The following TTLL5 variants were observed in gnomAD, a reference collection of about 807,000 sequenced individuals.
The protein encoded by TTLL5 is tubulin tyrosine ligase like 5.
Under a neutral mutation model 168.4 loss-of-function variants are expected in TTLL5, and 132 were observed. That is an observed-to-expected ratio of 0.78 (90% CI 0.68 to 0.91). The LOEUF is 0.91. Ranked by LOEUF, TTLL5 falls within the 40% of genes least tolerant of loss-of-function variation. TTLL5 has a pLI of 0.00. For synonymous variants in TTLL5, 546 were observed against 558.6 expected (o/e 0.98, Z 0.32); for missense variants, 1,545 against 1,581.5 (o/e 0.98, Z 0.39).
intron 3 of TTLL5, 124 bp downstream of exon 3, chr14:75,669,646 G>A (rs1883561272): frequency 1.7e-6 from 1 of 578,160 alleles, no homozygotes; most frequent in African/African-American, 1.9e-5. Flanking sequence ...CAATTGAGTT[G>A]TTATACTTCA....
intron 26 of TTLL5, among the ~76,000 whole-genome samples, chr14:75,784,676 C>T (rs1050678096): frequency 6.6e-6 from 1 of 152,102 alleles, no homozygotes; most frequent in Non-Finnish European, 1.5e-5. Context: ...AACTGTTTTC[C>T]AAAGTCGCTG....
At chr14:75,952,090 T>C (rs1299146553) in intron 31 of TTLL5, among the ~76,000 whole-genome samples, 1 of 151,960 alleles carries the variant, frequency 6.6e-6, no homozygotes, top group Non-Finnish European at 1.5e-5. Context: ...AATTCAATAA[T>C]AAAAAAGACG....
intron 28 of TTLL5, among the ~76,000 whole-genome samples, chr14:75,834,711 A>G (rs934971153): frequency 2.6e-5 from 4 of 152,156 alleles, no homozygotes; most frequent in Non-Finnish European, 5.9e-5. Flanking sequence ...CTGTAGATGG[A>G]TTAGGTCAGG....
chr14:75,952,948 G>A (rs1053488843), intron 31 of TTLL5, among the ~76,000 whole-genome samples: 1 of 152,100 alleles, frequency 6.6e-6, no homozygotes, highest in Non-Finnish European at 1.5e-5. Flanking sequence ...GATGACGGAT[G>A]CACAACTCTG....
rs184047786 is a variant in TTLL5, at chr14:75,737,782, A to G, written c.1281+2493A>G. Among the ~76,000 whole-genome samples the G allele has an allele frequency of 3.9e-5, 6 of 152,310 alleles. No individual in the cohort carries two copies. In the East Asian group the frequency reaches 1.2e-3, roughly 29 times the overall value. ...AGAAGTCTTTTTGGTTATAGGATAT[A>G]AGAGTAGAGGATGCAGGAACTTAGG... On this transcript the variant is annotated intron_variant, in intron 15 of 31. Coordinates refer to ENST00000298832, the MANE Select transcript of TTLL5 (RefSeq NM_015072.5).
chr14:75,906,547 T>C lies in TTLL5; in HGVS notation c.3823+4323T>C, dbSNP rs552902334. 9 of 985,852 alleles carry C rather than the reference T, an allele frequency of 9.1e-6. No homozygotes were observed. In the African/African-American group the frequency reaches 1.2e-4, roughly 13 times the overall value. 61.1% of individuals were successfully genotyped at this position (985,852 alleles called of 1,614,324 possible). A position where few individuals can be genotyped will look rare whatever the true frequency, so the allele number is the denominator to read the frequency against. On this transcript the variant is annotated intron_variant, in intron 31 of 31. Transcript: ENST00000298832. ...TGTTAAGTAGAGATACTTTTTTCCA[T>C]TTTTCAGGATCTTTGGATACTCCCC...
At chr14:75,872,120 A>G (rs935458895) in intron 29 of TTLL5, among the ~76,000 whole-genome samples, 5 of 152,238 alleles carry the variant, frequency 3.3e-5, no homozygotes, top group Non-Finnish European at 2.9e-5. Context: ...ATCTGGGGTC[A>G]TGGCTGATCC....
At chr14:75,940,750 T>C (rs1363417926) in intron 31 of TTLL5, among the ~76,000 whole-genome samples, 1 of 152,236 alleles carries the variant, frequency 6.6e-6, no homozygotes, top group Non-Finnish European at 1.5e-5. Flanking sequence ...CAGAGATTTA[T>C]ATCTCTCTAT....
intron 12 of TTLL5, among the ~76,000 whole-genome samples, chr14:75,731,374 TACACACACACACAC>T (rs3031047): frequency 0.024 from 3,293 of 139,318 alleles, 103 homozygotes; most frequent in African/African-American, 0.064. Context: ...TACACATACA[TACACACACACACAC>T]ACACACACAC....
At chr14:75,780,535 C>T (rs1891987722) in intron 24 of TTLL5, among the ~76,000 whole-genome samples, 1 of 152,098 alleles carries the variant, frequency 6.6e-6, no homozygotes, top group Admixed American at 6.5e-5. Context: ...TAACTTAAAA[C>T]CTAGATGGAA....
chr14:75,696,412 GTTA>G (rs1885874448), intron 6 of TTLL5, among the ~76,000 whole-genome samples: 1 of 152,120 alleles, frequency 6.6e-6, no homozygotes, highest in Non-Finnish European at 1.5e-5. Flanking sequence ...GGAAAGTTTT[GTTA>G]TTTTTTGTTT....
chr14:75,762,351 C>T (rs551487730), intron 18 of TTLL5, among the ~76,000 whole-genome samples: 5 of 152,146 alleles, frequency 3.3e-5, no homozygotes, highest in African/African-American at 4.8e-5. Context: ...ATCGAGATGG[C>T]GCCACTGCAC....
chr14:75,938,025 T>C (rs2034485992), intron 31 of TTLL5, among the ~76,000 whole-genome samples: 1 of 152,230 alleles, frequency 6.6e-6, no homozygotes, highest in Admixed American at 6.5e-5. Flanking sequence ...ACTTGTTATT[T>C]TATGGTTATT....
intron 31 of TTLL5, among the ~76,000 whole-genome samples, chr14:75,930,791 T>C (rs776835224): frequency 2.6e-5 from 4 of 152,204 alleles, no homozygotes; most frequent in Admixed American, 2.6e-4. Context: ...AATCCTAACA[T>C]CATTTAAAAG....
At chr14:75,823,847 G>A (rs777036080) in intron 28 of TTLL5, among the ~76,000 whole-genome samples, 3 of 152,088 alleles carry the variant, frequency 2.0e-5, no homozygotes, top group Non-Finnish European at 4.4e-5. Flanking sequence ...TTGAGAAGTT[G>A]GAACCATTTT....
In TTLL5 at chr14:75,779,558, T is replaced by G; in HGVS notation, c.2388-17T>G. 6.2e-7 allele frequency: 1 copy of G among 1,610,346 alleles called. No individual in the cohort carries two copies. The highest frequency in any genetic ancestry group is 8.5e-7 in the Non-Finnish European group (1 of 1,178,896). On this transcript the variant is annotated splice_polypyrimidine_tract_variant and intron_variant, in intron 23 of 31. Transcript: ENST00000298832. ...GAATAGCTTCCTGTCTGACCATACT[T>G]TTTCTCCTCATTTCAGTGAGGCTGA... is the stretch of plus-strand genomic sequence containing the variant.
intron 29 of TTLL5, among the ~76,000 whole-genome samples, chr14:75,868,282 T>G (rs2030706191): frequency 6.6e-6 from 1 of 152,192 alleles, no homozygotes; most frequent in Non-Finnish European, 1.5e-5. Context: ...TTGCCGAAGT[T>G]TCCTTTAACA....
intron 27 of TTLL5, among the ~76,000 whole-genome samples, chr14:75,801,992 A>G (rs1225706247): frequency 2.0e-5 from 3 of 152,098 alleles, no homozygotes; most frequent in Non-Finnish European, 4.4e-5. Context: ...GTGTCCAGTA[A>G]TCACTTTAAA....
intron 29 of TTLL5, among the ~76,000 whole-genome samples, chr14:75,874,765 A>C (rs1045839760): frequency 6.6e-6 from 1 of 152,146 alleles, no homozygotes; most frequent in Non-Finnish European, 1.5e-5. Flanking sequence ...TTATCACAAC[A>C]CTATTCTTAA....
Sources: allele counts gnomAD v4.1 joint callset (sites outside exome capture counted in the v4.1 genomes callset), GRCh38; gene constraint gnomAD v4.1.1; transcripts MANE v1.5; gene names NCBI Gene and HGNC (gene_info 2026-07-23, HGNC 2026-07-21).